Variants in PKIG observed in about 807,000 individuals in gnomAD.
PKIG encodes protein kinase (cAMP-dependent, catalytic) inhibitor gamma.
A neutral mutation model predicts 6.8 loss-of-function variants in PKIG; 1 was observed. The observed-to-expected ratio is 0.15, with a 90% CI of 0.05 to 0.69. The LOEUF is 0.69. Among genes scored for constraint, PKIG ranks in the 30% least tolerant of loss-of-function variants. PKIG has a pLI of 0.82. For missense variants in PKIG, 77 were observed against 104.0 expected (o/e 0.74, Z 1.13); for synonymous variants, 39 against 43.0 (o/e 0.91, Z 0.36).
At chr20:44,603,716 C>T (rs1282888768) in intron 2 of PKIG, among the ~76,000 whole-genome samples, 1 of 152,172 alleles carries the variant, frequency 6.6e-6, no homozygotes, top group Non-Finnish European at 1.5e-5. Flanking sequence ...TCTACAACAA[C>T]TTTTCATTAA....
At chr20:44,545,053 A>AGCT (rs1313249215) in intron 1 of PKIG, among the ~76,000 whole-genome samples, 1 of 146,698 alleles carries the variant, frequency 6.8e-6, no homozygotes, top group African/African-American at 2.5e-5. Flanking sequence ...CCCCTGCCTC[A>AGCT]GCTTCTGGAG....
intron 1 of PKIG, among the ~76,000 whole-genome samples, chr20:44,551,571 A>G (rs1201339729): frequency 6.6e-6 from 1 of 152,164 alleles, no homozygotes; most frequent in African/African-American, 2.4e-5. Context: ...GATGTTTAAC[A>G]TCTTGGTCTC....
intron 1 of PKIG, among the ~76,000 whole-genome samples, chr20:44,560,249 C>CTAAA (rs56359005): frequency 0.15 from 22,250 of 149,140 alleles, 1,810 homozygotes; most frequent in African/African-American, 0.22. Context: ...GACCTTGTCT[C>CTAAA]TAAATAAATA....
rs1280036050 is a variant in PKIG at position 44,560,047 on chromosome 20, G to T, written c.-240-22538G>T. Among the ~76,000 whole-genome samples, 3 of 129,088 alleles carry T rather than the reference G, an allele frequency of 2.3e-5. No homozygotes were observed. The South Asian group carries it at 7.4e-4, about 32-fold the overall frequency. 84.7% of individuals were successfully genotyped at this position (129,088 alleles called of 152,430 possible). A position where few individuals can be genotyped will look rare whatever the true frequency, so the allele number is the denominator to read the frequency against. ...TTTTTCATGGGCAAAACCCGGAGAA[G>T]AAAATATGAAAAAAATACAAAAAAA... is the stretch of plus-strand genomic sequence containing the variant. On this transcript the variant is annotated intron_variant, in intron 1 of 4. Transcript: ENST00000372887.
intron 1 of PKIG, among the ~76,000 whole-genome samples, chr20:44,565,123 T>G (rs1430113825): frequency 6.6e-6 from 1 of 152,248 alleles, no homozygotes; most frequent in East Asian, 1.9e-4. Flanking sequence ...ATTACCTTTC[T>G]CACCATTCTA....
chr20:44,575,753 C>G (rs906617977), intron 1 of PKIG, among the ~76,000 whole-genome samples: 7 of 152,154 alleles, frequency 4.6e-5, no homozygotes, highest in African/African-American at 1.7e-4. Flanking sequence ...TTAAAGAGGC[C>G]TCCTGTCTTT....
intron 2 of PKIG, among the ~76,000 whole-genome samples, chr20:44,611,721 A>G (rs2065220972): frequency 6.7e-6 from 1 of 149,646 alleles, no homozygotes; most frequent in Non-Finnish European, 1.5e-5. Flanking sequence ...GGGTTTCACC[A>G]TGTTGGCCAG....
intron 2 of PKIG, among the ~76,000 whole-genome samples, chr20:44,602,394 G>T (rs1478468337): frequency 6.6e-6 from 1 of 152,220 alleles, no homozygotes; most frequent in Non-Finnish European, 1.5e-5. Context: ...TCTGTGATAA[G>T]ATTCATTTAC....
At chr20:44,547,906 G>C (rs1418794119) in intron 1 of PKIG, among the ~76,000 whole-genome samples, 2 of 152,062 alleles carry the variant, frequency 1.3e-5, no homozygotes. Flanking sequence ...GCTGGGCATG[G>C]TGGCTCATGA....
At position 44,540,438 on chromosome 20, in the gene PKIG, C is replaced by T. The variant is rs191504504; in HGVS notation, c.-241+8460C>T. Among the ~76,000 whole-genome samples, 332 of 152,248 alleles carry T rather than the reference C, an allele frequency of 2.2e-3. 1 individual carries two copies. The highest frequency in any genetic ancestry group is 7.6e-3 in the African/African-American group (314 of 41,528). ...TTTAAAGGCTTTCTTGGGTGACTAC[C>T]AATTAACCAAAATTAATTACGTTAT... is the stretch of plus-strand genomic sequence containing the variant. On this transcript the variant is annotated intron_variant, in intron 1 of 4. Transcript: ENST00000372887.
At chr20:44,612,022 T>C (rs1422226036) in intron 2 of PKIG, among the ~76,000 whole-genome samples, 1 of 152,228 alleles carries the variant, frequency 6.6e-6, no homozygotes, top group Non-Finnish European at 1.5e-5. Flanking sequence ...TCAATCATGT[T>C]GGACATTTGG....
intron 1 of PKIG, among the ~76,000 whole-genome samples, chr20:44,558,133 G>A (rs574096792): frequency 3.9e-5 from 6 of 152,184 alleles, no homozygotes; most frequent in Non-Finnish European, 8.8e-5. Flanking sequence ...TTTCTGAAAG[G>A]TATGCTATTT....
chr20:44,559,013 TTGAA>T (rs1288759942), intron 1 of PKIG, among the ~76,000 whole-genome samples: 1 of 152,210 alleles, frequency 6.6e-6, no homozygotes, highest in East Asian at 1.9e-4. Flanking sequence ...GGCTTTGGCT[TTGAA>T]TGGCCCTCAG....
chr20:44,594,227 C>T (rs979106709), intron 2 of PKIG, among the ~76,000 whole-genome samples: 2 of 152,112 alleles, frequency 1.3e-5, no homozygotes, highest in African/African-American at 4.8e-5. Context: ...TAATAGTAAC[C>T]ACCACCCTTT....
intron 1 of PKIG, among the ~76,000 whole-genome samples, chr20:44,565,890 G>A (rs1568813703): frequency 2.0e-5 from 3 of 152,152 alleles, no homozygotes; most frequent in Non-Finnish European, 2.9e-5. Flanking sequence ...AGCCTCTCGC[G>A]TAGCTGGGAT....
chr20:44,565,378 A>G (rs917052803), intron 1 of PKIG, among the ~76,000 whole-genome samples: 1 of 152,244 alleles, frequency 6.6e-6, no homozygotes, highest in Non-Finnish European at 1.5e-5. Flanking sequence ...AGTAGCAAAC[A>G]ACAAAATTCA....
At chr20:44,587,326 C>T (rs1385200989) in intron 1 of PKIG, among the ~76,000 whole-genome samples, 2 of 152,228 alleles carry the variant, frequency 1.3e-5, no homozygotes, top group African/African-American at 2.4e-5. Context: ...CTGCTCTCTC[C>T]CTACAATTCC....
intron 1 of PKIG, among the ~76,000 whole-genome samples, chr20:44,546,577 G>A (rs1278483140): frequency 2.1e-5 from 2 of 96,590 alleles, no homozygotes; most frequent in African/African-American, 7.0e-5. Context: ...TTTTGAGACA[G>A]AGTCTTACTT....
In PKIG at chr20:44,618,521, T is replaced by A; in HGVS notation, c.*157T>A. 1.6e-6 allele frequency: 1 copy of A among 606,086 alleles called. No individual in the cohort carries two copies. Among genetic ancestry groups the A allele is most frequent in the Non-Finnish European group, 3.0e-6 (1 of 337,844 alleles). The allele number at this position is 606,086 out of a possible 1,614,324, so 37.5% of individuals were successfully genotyped here. A position where few individuals can be genotyped will look rare whatever the true frequency, so the allele number is the denominator to read the frequency against. On this transcript the variant is annotated 3_prime_UTR_variant, in exon 4 of 4. Transcript: ENST00000372886. ...CCCCAGAGGCCTCTGTGGCCTCCAC[T>A]CCGGGAAAGCCCTCTGCCCACACCC...
Sources: gnomAD v4.1 joint callset for allele counts (sites outside exome capture counted in the v4.1 genomes callset) on GRCh38, gnomAD v4.1.1 for gene constraint, MANE v1.5 for transcripts, NCBI Gene and HGNC (gene_info 2026-07-23, HGNC 2026-07-21) for gene names.